Variants in YLPM1 observed in about 807,000 individuals in gnomAD.
The protein encoded by YLPM1 is YLP motif containing 1.
YLPM1 carries 99 observed loss-of-function variants against 230.0 expected under a neutral mutation model. The observed-to-expected ratio is 0.43, with a 90% CI of 0.37 to 0.51. The LOEUF is 0.51. Ranked by LOEUF, YLPM1 falls within the 20% of genes least tolerant of loss-of-function variation. The pLI, the probability that YLPM1 is intolerant of heterozygous loss-of-function variation, is 0.00. For synonymous variants in YLPM1, 984 were observed against 942.5 expected (o/e 1.04, Z -0.81); for missense variants, 2,592 against 2,707.7 (o/e 0.96, Z 0.95).
rs773263362 is a variant in YLPM1, at chr14:74,809,749, T to G, written c.4891T>G (p.Ser1631Ala). The change falls in exon 7 of 21, where the codon TCC becomes GCC. Residue 1631 changes from serine (S) to alanine (A), a missense_variant. Coordinates refer to ENST00000325680, the MANE Select transcript of YLPM1 (RefSeq NM_019589.3). ...AGTGCCTATGGGTATGCCACCAATG[T>G]CCAAGCCACCACCAGTACAACAGAC... ...GPVPMGMPPM[S>A]KPPPVQQTVD... The G allele has an allele frequency of 6.2e-7, 1 of 1,614,010 alleles. No homozygotes were observed. The highest frequency in any genetic ancestry group is 1.1e-5 in the South Asian group (1 of 91,084).
Position 74,764,094 on chromosome 14 carries a change from C to T in YLPM1, c.605C>T (p.Ala202Val), listed in dbSNP as rs2090883571. The T allele has an allele frequency of 6.2e-7, 1 of 1,613,274 alleles. No homozygotes were observed. The highest frequency in any genetic ancestry group is 8.5e-7 in the Non-Finnish European group (1 of 1,179,776). Residue 202 changes from alanine (A) to valine (V), a missense_variant, in exon 1 of 21, where the codon GCG becomes GTG. By Grantham distance (64) the Ala-to-Val change is moderately conservative. Transcript: ENST00000325680. Reference sequence around the variant, plus strand: ...TCCCCACCTTCCCAATCCTACCTGGCGCCCACCCCTTCTTACTCATCCTCC... The same window carrying T: ...TCCCCACCTTCCCAATCCTACCTGGTGCCCACCCCTTCTTACTCATCCTCC... ...SQSPPSQSYLAPTPSYSSSSS... is the reference protein window; with the variant it reads ...SQSPPSQSYLVPTPSYSSSSS...
At chr14:74,814,356 G>A (rs1010922550) in intron 11 of YLPM1, among the ~76,000 whole-genome samples, 2 of 152,050 alleles carry the variant, frequency 1.3e-5, no homozygotes, top group East Asian at 3.9e-4. Flanking sequence ...GCGAGACTCC[G>A]TCTTTAAAAA....
intron 1 of YLPM1, among the ~76,000 whole-genome samples, chr14:74,775,816 C>T (rs973200576): frequency 2.0e-5 from 3 of 152,090 alleles, no homozygotes; most frequent in Non-Finnish European, 4.4e-5. Context: ...TTTATACGGA[C>T]TGTTTTTCAA....
Position 74,763,443 on chromosome 14 carries a change from G to A in YLPM1, c.-47G>A. On this transcript the variant is annotated 5_prime_UTR_variant, in exon 1 of 21. Coordinates refer to ENST00000325680, the MANE Select transcript of YLPM1 (RefSeq NM_019589.3). ...CCGCCGCGGCTCCTGGAGGTCGGTT[G>A]CGACGAGTAACGGCGCCAGGACGAG... The A allele has an allele frequency of 7.3e-7, 1 of 1,375,350 alleles. No homozygotes were observed. Among genetic ancestry groups the A allele is most frequent in the Non-Finnish European group, 9.5e-7 (1 of 1,056,556 alleles). 85.2% of individuals were successfully genotyped at this position (1,375,350 alleles called of 1,614,324 possible).
rs563187910 is a variant in YLPM1 at position 74,784,925 on chromosome 14, C to T, written c.2282+2600C>T. ...GGGCCTTTAGTTTGTTAGTCTCCTT[C>T]AGAATGAACACTTACTTCAGATGCA... On this transcript the variant is annotated intron_variant, in intron 4 of 20. Coordinates refer to ENST00000325680, the MANE Select transcript of YLPM1 (RefSeq NM_019589.3). Among the ~76,000 whole-genome samples, 3 of 152,344 alleles carry T rather than the reference C, an allele frequency of 2.0e-5. No homozygotes were observed. The East Asian group carries it at 5.8e-4, about 29-fold the overall frequency.
intron 19 of YLPM1, 142 bp downstream of exon 19, chr14:74,829,485 TC>T (rs2091591911): frequency 8.4e-7 from 1 of 1,188,488 alleles, no homozygotes; most frequent in Admixed American, 2.6e-5. Flanking sequence ...CAAGAAGGAG[TC>T]ATACCTTATA....
At chr14:74,769,185 C>G (rs1217186638) in intron 1 of YLPM1, among the ~76,000 whole-genome samples, 1 of 149,658 alleles carries the variant, frequency 6.7e-6, no homozygotes, top group African/African-American at 2.4e-5. Context: ...AAGCAATTTT[C>G]TGCCTCAGCC....
chr14:74,778,144 A>C (rs2091059844), intron 1 of YLPM1, among the ~76,000 whole-genome samples: 1 of 152,190 alleles, frequency 6.6e-6, no homozygotes, highest in African/African-American at 2.4e-5. Flanking sequence ...GAAGAGATTT[A>C]CCCTGATCAT....
At chr14:74,769,955 G>A (rs1386266463) in intron 1 of YLPM1, among the ~76,000 whole-genome samples, 1 of 151,160 alleles carries the variant, frequency 6.6e-6, no homozygotes, top group African/African-American at 2.4e-5. Flanking sequence ...GGCCTAGGCG[G>A]GCAGATCACG....
chr14:74,805,250 A>AC (rs2091365678), intron 6 of YLPM1, among the ~76,000 whole-genome samples: 1 of 151,542 alleles, frequency 6.6e-6, no homozygotes, highest in Non-Finnish European at 1.5e-5. Flanking sequence ...TGAACTCCTG[A>AC]CCTCAGGTGA....
chr14:74,797,766 C>A lies in YLPM1; in HGVS notation c.2469C>A (p.Thr823=). 1 of 1,613,718 alleles carries A rather than the reference C, an allele frequency of 6.2e-7. No individual in the cohort carries two copies. The highest frequency in any genetic ancestry group is 8.5e-7 in the Non-Finnish European group (1 of 1,179,814). The change falls in exon 5 of 21, where the codon ACC becomes ACA. Residue 823 remains threonine, a synonymous_variant. Coordinates refer to ENST00000325680, the MANE Select transcript of YLPM1 (RefSeq NM_019589.3). ...PRGPASQFYI[T]PSTSLSPRQS... Reference sequence around the variant, plus strand: ...GGCCAGCATCTCAATTTTATATTACCCCCAGTACATCCCTAAGTCCTCGAC... The same window carrying A: ...GGCCAGCATCTCAATTTTATATTACACCCAGTACATCCCTAAGTCCTCGAC...
chr14:74,816,493 C>A, intron 12 of YLPM1, 78 bp from the exon 13 acceptor site: 1 of 1,496,834 alleles, frequency 6.7e-7, no homozygotes, highest in Non-Finnish European at 9.0e-7. Context: ...TATTATTTAG[C>A]CACAAGAGGG....
chr14:74,789,311 G>A (rs1342232530), intron 4 of YLPM1, among the ~76,000 whole-genome samples: 1 of 152,136 alleles, frequency 6.6e-6, no homozygotes, highest in African/African-American at 2.4e-5. Context: ...CTGCCTCCTG[G>A]GTTCAAGCGA....
rs2091647619 is a variant in YLPM1 at position 74,837,089 on chromosome 14, T to A, written c.*1351T>A. On this transcript the variant is annotated 3_prime_UTR_variant, in exon 21 of 21. Coordinates refer to ENST00000325680, the MANE Select transcript of YLPM1 (RefSeq NM_019589.3). ...TACTTTTATGACCTACATTAAAGACTGTATGAATAGAGCTAATAGTTACTA... is the reference window on the plus strand; with the variant it reads ...TACTTTTATGACCTACATTAAAGACAGTATGAATAGAGCTAATAGTTACTA... The A allele has an allele frequency of 1.3e-5, 2 of 152,218 alleles. No individual in the cohort carries two copies. Among genetic ancestry groups the A allele is most frequent in the Non-Finnish European group, 2.9e-5 (2 of 68,040 alleles). 9.4% of individuals were successfully genotyped at this position (152,218 alleles called of 1,614,324 possible). A position where few individuals can be genotyped will look rare whatever the true frequency, so the allele number is the denominator to read the frequency against.
Position 74,802,695 on chromosome 14 carries a change from T to G in YLPM1, c.4521+19T>G, listed in dbSNP as rs374658335. Reference sequence around the variant, plus strand: ...GTATCCGGTATGGGAGAATGTGTGCTCAGAAAATGAAATGGTTTCTACTTT... The same window carrying G: ...GTATCCGGTATGGGAGAATGTGTGCGCAGAAAATGAAATGGTTTCTACTTT... On this transcript the variant is annotated intron_variant, in intron 6 of 20. Transcript: ENST00000325680. The G allele has an allele frequency of 1.9e-6, 3 of 1,578,048 alleles. No homozygotes were observed. The highest frequency in any genetic ancestry group is 2.6e-6 in the Non-Finnish European group (3 of 1,164,840).
chr14:74,774,578 T>G (rs573460504), intron 1 of YLPM1, among the ~76,000 whole-genome samples: 1 of 152,308 alleles, frequency 6.6e-6, no homozygotes, highest in South Asian at 2.1e-4. Context: ...GTTAATTTTT[T>G]TATATTTTTA....
intron 9 of YLPM1, 49 bp downstream of exon 9, chr14:74,810,469 A>AT: frequency 2.6e-6 from 4 of 1,539,632 alleles, no homozygotes; most frequent in Non-Finnish European, 3.5e-6. Flanking sequence ...CTGTATACTT[A>AT]ACAGTAAAAG....
In YLPM1 at chr14:74,782,345, T is replaced by TC; in HGVS notation, c.2282+21dup. ...CCCAAGGTAGGTCTGCTTTTTTTTC[T>TC]CTTTTTTTTTGGTTTGGCTATTTTA... On this transcript the variant is annotated intron_variant, in intron 4 of 20. Coordinates refer to ENST00000325680, the MANE Select transcript of YLPM1 (RefSeq NM_019589.3). 6.7e-7 allele frequency: 1 copy of TC among 1,489,860 alleles called. No individual in the cohort carries two copies. Among genetic ancestry groups the TC allele is most frequent in the African/African-American group, 1.4e-5 (1 of 71,428 alleles). 92.3% of individuals were successfully genotyped at this position (1,489,860 alleles called of 1,614,324 possible). A position where few individuals can be genotyped will look rare whatever the true frequency, so the allele number is the denominator to read the frequency against.
intron 1 of YLPM1, among the ~76,000 whole-genome samples, chr14:74,770,625 A>AG (rs1278462600): frequency 7.8e-6 from 1 of 128,090 alleles, no homozygotes; most frequent in Non-Finnish European, 1.9e-5. Context: ...ACTCCATCTC[A>AG]GTTAAAAAAA....
Sources: allele counts gnomAD v4.1 joint callset (sites outside exome capture counted in the v4.1 genomes callset), GRCh38; gene constraint gnomAD v4.1.1; transcripts MANE v1.5; gene names NCBI Gene and HGNC (gene_info 2026-07-23, HGNC 2026-07-21).